The following SLIT3 variants were observed in gnomAD, a reference collection of about 807,000 sequenced individuals.
SLIT3 encodes slit guidance ligand 3, also known as slit homolog 3 protein.
SLIT3 carries 68 observed loss-of-function variants against 184.0 expected under a neutral mutation model. The observed-to-expected ratio is 0.37, with a 90% CI of 0.30 to 0.45. The LOEUF is 0.45. SLIT3 is among the 20% of genes least tolerant of loss of function. The pLI, the probability that SLIT3 is intolerant of heterozygous loss-of-function variation, is 1.00. For missense variants in SLIT3, 1,707 were observed against 2,026.0 expected, an observed-to-expected ratio of 0.84 and a Z score of 3.02; for synonymous variants, 831 against 828.6, an observed-to-expected ratio of 1.00 and a Z score of -0.05.
At chr5:168,750,036 T>G (rs935936418) in intron 18 of SLIT3, among the ~76,000 whole-genome samples, 1 of 152,162 alleles carries the variant, frequency 6.6e-6, no homozygotes, top group Non-Finnish European at 1.5e-5. Context: ...GAGTCCCCCA[T>G]ATCAAGTGGG....
chr5:169,154,322 T>C (rs1280636237), intron 4 of SLIT3, among the ~76,000 whole-genome samples: 1 of 152,214 alleles, frequency 6.6e-6, no homozygotes, highest in Non-Finnish European at 1.5e-5. Context: ...ATCATTTTGT[T>C]CTGCTTCTAT....
intron 35 of SLIT3, among the ~76,000 whole-genome samples, chr5:168,668,917 C>T (rs573343794): frequency 6.6e-5 from 10 of 152,350 alleles, no homozygotes; most frequent in South Asian, 2.1e-4. Context: ...TACAGGCGAC[C>T]GCCATGATGC....
At chr5:168,737,455 GCACA>G (rs376666819) in intron 20 of SLIT3, among the ~76,000 whole-genome samples, 5 of 151,344 alleles carry the variant, frequency 3.3e-5, no homozygotes, top group Non-Finnish European at 4.4e-5. Context: ...TCAGTGCTGT[GCACA>G]CACACACACA....
chr5:169,025,521 C>G (rs972372929), intron 4 of SLIT3, among the ~76,000 whole-genome samples: 3 of 152,166 alleles, frequency 2.0e-5, no homozygotes, highest in Admixed American at 6.5e-5. Context: ...TCATGAACAT[C>G]TTTTGCAAGA....
At chr5:169,011,471 C>T (rs764239332) in intron 4 of SLIT3, among the ~76,000 whole-genome samples, 8 of 152,258 alleles carry the variant, frequency 5.3e-5, no homozygotes, top group South Asian at 2.1e-4. Context: ...CATTCCTCCG[C>T]GGCTCAATGA....
intron 4 of SLIT3, among the ~76,000 whole-genome samples, chr5:168,915,351 C>T (rs1039063471): frequency 1.6e-4 from 24 of 152,128 alleles, no homozygotes; most frequent in Non-Finnish European, 7.4e-5. Context: ...CGGGTGATTG[C>T]TGCTAGTGAG....
At chr5:168,913,266 A>G (rs988690124) in intron 4 of SLIT3, among the ~76,000 whole-genome samples, 4 of 152,222 alleles carry the variant, frequency 2.6e-5, no homozygotes, top group African/African-American at 4.8e-5. Context: ...TTTTGCACCA[A>G]TCAATACATA....
rs532944680 is a variant in SLIT3, at chr5:168,752,480, C to T, written c.1973+475G>A. The T allele has an allele frequency of 6.2e-4, 96 of 155,792 alleles. 1 individual carries two copies. The highest frequency in any genetic ancestry group is 1.6e-3 in the South Asian group (8 of 5,156). 9.7% of individuals were successfully genotyped at this position (155,792 alleles called of 1,614,324 possible). Reference sequence around the variant, plus strand: ...CATGATCTCAGCTCACTGCAGCCTCCGCCTCCCGGGTTCCAGCAACTGTCC... The same window carrying T: ...CATGATCTCAGCTCACTGCAGCCTCTGCCTCCCGGGTTCCAGCAACTGTCC... On this transcript the variant is annotated intron_variant, in intron 18 of 35. Coordinates refer to ENST00000519560, the MANE Select transcript of SLIT3 (RefSeq NM_003062.4).
chr5:169,126,196 A>C (rs895720758), intron 4 of SLIT3, among the ~76,000 whole-genome samples: 2 of 152,230 alleles, frequency 1.3e-5, no homozygotes, highest in African/African-American at 4.8e-5. Context: ...TCCTTTGATA[A>C]ATTTTTATTT....
intron 10 of SLIT3, chr5:168,791,095 A>G (rs960331647): frequency 1.3e-5 from 2 of 152,332 alleles, no homozygotes; most frequent in East Asian, 3.8e-4. Flanking sequence ...TAACAAGCAA[A>G]TACTCTGGAT....
chr5:168,991,089 G>A (rs1467779941), intron 4 of SLIT3, among the ~76,000 whole-genome samples: 1 of 152,170 alleles, frequency 6.6e-6, no homozygotes, highest in Non-Finnish European at 1.5e-5. Flanking sequence ...ACCGCTGGGA[G>A]GTGCTCTTAT....
chr5:169,079,868 AGGT>A (rs1418184909), intron 4 of SLIT3, among the ~76,000 whole-genome samples: 1 of 17,480 alleles, frequency 5.7e-5, no homozygotes, highest in Non-Finnish European at 1.1e-4. Context: ...GGAGGAGGAA[AGGT>A]GGAGGAGGAG....
chr5:169,068,845 A>G (rs1175131089), intron 4 of SLIT3, among the ~76,000 whole-genome samples: 1 of 151,818 alleles, frequency 6.6e-6, no homozygotes, highest in Non-Finnish European at 1.5e-5. Context: ...AAAGCCTCAA[A>G]AAAAAAATGC....
At chr5:168,893,111 T>A (rs770795174) in intron 4 of SLIT3, among the ~76,000 whole-genome samples, 1 of 152,224 alleles carries the variant, frequency 6.6e-6, no homozygotes, top group Non-Finnish European at 1.5e-5. Flanking sequence ...GAAAATCATC[T>A]GATTGTAAAG....
At chr5:168,837,348 A>G (rs972185852) in intron 6 of SLIT3, among the ~76,000 whole-genome samples, 1 of 152,228 alleles carries the variant, frequency 6.6e-6, no homozygotes, top group East Asian at 1.9e-4. Context: ...AACCCAGGTG[A>G]AACATTTTAT....
chr5:168,708,481 C>T (rs1762444830), intron 25 of SLIT3: 1 of 289,012 alleles, frequency 3.5e-6, no homozygotes, highest in African/African-American at 2.2e-5. Flanking sequence ...ATTTTTCTAC[C>T]CACAAACACC....
intron 3 of SLIT3, among the ~76,000 whole-genome samples, chr5:169,203,039 G>A (rs1763951567): frequency 6.6e-6 from 1 of 152,134 alleles, no homozygotes; most frequent in Non-Finnish European, 1.5e-5. Flanking sequence ...GGAGAAGATG[G>A]ACAAGAGTCC....
chr5:168,713,123 T>C (rs1405719098), intron 23 of SLIT3, among the ~76,000 whole-genome samples: 1 of 152,186 alleles, frequency 6.6e-6, no homozygotes, highest in Non-Finnish European at 1.5e-5. Flanking sequence ...GAGGAGAGTC[T>C]CTGGAGCCGA....
At chr5:169,019,336 T>G (rs990828863) in intron 4 of SLIT3, among the ~76,000 whole-genome samples, 1 of 152,240 alleles carries the variant, frequency 6.6e-6, no homozygotes, top group African/African-American at 2.4e-5. Context: ...CTCTGCCCTT[T>G]GCTTTGCGTT....
Sources: allele counts gnomAD v4.1 joint callset (sites outside exome capture counted in the v4.1 genomes callset), GRCh38; gene constraint gnomAD v4.1.1; transcripts MANE v1.5; gene names NCBI Gene and HGNC (gene_info 2026-07-23, HGNC 2026-07-21).